The following ACLY variants were observed in gnomAD, a reference collection of about 807,000 sequenced individuals.
ACLY encodes the protein ATP-citrate synthase.
Under a neutral mutation model 133.0 loss-of-function variants are expected in ACLY, and 41 were observed. The observed-to-expected ratio is 0.31, with a 90% CI of 0.24 to 0.40. The LOEUF (loss-of-function observed/expected upper bound fraction) is 0.40, where lower values mean the gene tolerates loss of function less well. Among genes scored for constraint, ACLY ranks in the 10% least tolerant of loss-of-function variants. The pLI is 1.00. For missense variants in ACLY, 1,046 were observed against 1,453.8 expected (o/e 0.72, Z 4.56); for synonymous variants, 495 against 549.3 (o/e 0.90, Z 1.38).
At chr17:41,898,186 C>T (rs1321436528) in intron 12 of ACLY, among the ~76,000 whole-genome samples, 1 of 152,176 alleles carries the variant, frequency 6.6e-6, no homozygotes, top group African/African-American at 2.4e-5. Context: ...CATCACAGCT[C>T]ACTGCAACCT....
At chr17:41,927,482 G>A (rs950610718) in intron 1 of ACLY, among the ~76,000 whole-genome samples, 5 of 152,128 alleles carry the variant, frequency 3.3e-5, no homozygotes, top group South Asian at 2.1e-4. Context: ...TACCACACCC[G>A]GCCACATTTA....
chr17:41,896,726 G>A, intron 13 of ACLY, 77 bp from the exon 14 acceptor site: 1 of 1,366,918 alleles, frequency 7.3e-7, no homozygotes, highest in East Asian at 2.5e-5. Flanking sequence ...GTGGGAACAG[G>A]GAAGGGTCCC....
intron 1 of ACLY, among the ~76,000 whole-genome samples, chr17:41,917,988 A>G (rs1474597958): frequency 1.3e-5 from 2 of 152,158 alleles, no homozygotes; most frequent in Non-Finnish European, 2.9e-5. Flanking sequence ...ACTTTTCCTT[A>G]TCGTCTCTTC....
chr17:41,912,922 C>G (rs1162935359), intron 2 of ACLY, among the ~76,000 whole-genome samples: 1 of 152,176 alleles, frequency 6.6e-6, no homozygotes, highest in Non-Finnish European at 1.5e-5. Flanking sequence ...AGAGACAGAG[C>G]CTTGAGGCAG....
At chr17:41,883,317 G>T in intron 19 of ACLY, 85 bp from the exon 20 acceptor site, 1 of 1,134,522 alleles carries the variant, frequency 8.8e-7, no homozygotes, top group African/African-American at 1.5e-5. Context: ...GAGTGACACG[G>T]GCTTTGGCCA....
chr17:41,902,722 A>G (rs1555631857), intron 10 of ACLY, among the ~76,000 whole-genome samples: 1 of 152,244 alleles, frequency 6.6e-6, no homozygotes, highest in African/African-American at 2.4e-5. Context: ...AGGGCAGCTC[A>G]GAAGTTAAAT....
intron 14 of ACLY, among the ~76,000 whole-genome samples, chr17:41,894,090 C>T (rs2144318194): frequency 6.6e-6 from 1 of 151,964 alleles, no homozygotes; most frequent in Non-Finnish European, 1.5e-5. Flanking sequence ...GGGGTGGACA[C>T]CTGTAATCCC....
At chr17:41,912,985 T>C (rs1353737995) in intron 2 of ACLY, among the ~76,000 whole-genome samples, 3 of 152,108 alleles carry the variant, frequency 2.0e-5, no homozygotes, top group Non-Finnish European at 4.4e-5. Context: ...TTGAACCCTG[T>C]CTACAACAGG....
chr17:41,883,483 T>C (rs1166897482), intron 19 of ACLY, among the ~76,000 whole-genome samples: 5 of 152,070 alleles, frequency 3.3e-5, no homozygotes, highest in African/African-American at 1.2e-4. Flanking sequence ...AAACAAGGGA[T>C]GGGGTTATGG....
chr17:41,875,687 G>A (rs1343878305), intron 22 of ACLY, among the ~76,000 whole-genome samples: 1 of 152,190 alleles, frequency 6.6e-6, no homozygotes, highest in Non-Finnish European at 1.5e-5. Flanking sequence ...CGAGTGATCC[G>A]CCAGCCTCGG....
At chr17:41,876,126 C>T (rs1286359492) in intron 22 of ACLY, among the ~76,000 whole-genome samples, 1 of 150,326 alleles carries the variant, frequency 6.7e-6, no homozygotes, top group Non-Finnish European at 1.5e-5. Flanking sequence ...AGTGAGGAGC[C>T]CCTCCGCCCG....
intron 12 of ACLY, 43 bp from the exon 13 acceptor site, chr17:41,897,882 C>T (rs1555630739): frequency 3.8e-6 from 6 of 1,562,404 alleles, no homozygotes; most frequent in Non-Finnish European, 5.2e-6. Flanking sequence ...AAGAGTCACA[C>T]CTGGGAAAAA....
intron 11 of ACLY, among the ~76,000 whole-genome samples, chr17:41,899,077 C>A (rs985134551): frequency 1.3e-5 from 2 of 152,080 alleles, no homozygotes; most frequent in Non-Finnish European, 2.9e-5. Flanking sequence ...GAGTTTGAGA[C>A]CAGCCTGGCC....
Position 41,904,813 on chromosome 17 carries a change from T to C in ACLY, c.1004-23A>G, listed in dbSNP as rs566525462. On this transcript the variant is annotated intron_variant, in intron 9 of 28. Coordinates refer to ENST00000352035, the MANE Select transcript of ACLY (RefSeq NM_001096.3). ...TGCCTGGATTTGGAGTAAGAGAGAA[T>C]CAAAAACAGTTACATAGGTAGACTT... 119 of 1,607,210 alleles carry C rather than the reference T, an allele frequency of 7.4e-5. 4 individuals carry two copies. In the South Asian group the frequency reaches 1.2e-3, roughly 16 times the overall value.
intron 20 of ACLY, among the ~76,000 whole-genome samples, chr17:41,879,698 A>T (rs1188525300): frequency 7.7e-6 from 1 of 129,158 alleles, no homozygotes; most frequent in Non-Finnish European, 1.6e-5. Flanking sequence ...GAAGTGCTAA[A>T]TGGTGTCTGT....
intron 1 of ACLY, among the ~76,000 whole-genome samples, chr17:41,926,126 T>G (rs1308512043): frequency 6.6e-6 from 1 of 152,038 alleles, no homozygotes; most frequent in Non-Finnish European, 1.5e-5. Context: ...ATTACAGGAG[T>G]GAGCCACCAC....
chr17:41,915,865 A>G (rs529855382), intron 1 of ACLY, among the ~76,000 whole-genome samples: 8 of 152,154 alleles, frequency 5.3e-5, no homozygotes, highest in Non-Finnish European at 8.8e-5. Flanking sequence ...AGGAGGGGGC[A>G]GTGGCTGACC....
intron 23 of ACLY, 70 bp downstream of exon 23, chr17:41,873,741 C>T: frequency 6.8e-7 from 1 of 1,467,406 alleles, no homozygotes; most frequent in Non-Finnish European, 9.1e-7. Context: ...TCCACTCCCA[C>T]CCCTTTGTTG....
intron 20 of ACLY, among the ~76,000 whole-genome samples, chr17:41,882,374 A>G (rs1321591716): frequency 7.1e-6 from 1 of 141,218 alleles, no homozygotes; most frequent in African/African-American, 2.7e-5. Context: ...CTCCAAAAAA[A>G]AAAAAAAAAA....
Sources: gnomAD v4.1 joint callset for allele counts (sites outside exome capture counted in the v4.1 genomes callset) on GRCh38, gnomAD v4.1.1 for gene constraint, MANE v1.5 for transcripts, NCBI Gene and HGNC (gene_info 2026-07-23, HGNC 2026-07-21) for gene names.